The following AVEN variants were observed in gnomAD, a reference collection of about 807,000 sequenced individuals.
The protein encoded by AVEN is apoptosis and caspase activation inhibitor.
A neutral mutation model predicts 38.1 loss-of-function variants in AVEN; 41 were observed. The ratio of observed to expected loss-of-function variants is 1.08; its 90% CI spans 0.84 to 1.40. The LOEUF (loss-of-function observed/expected upper bound fraction) is 1.40. AVEN is among the 40% of genes most tolerant of loss of function. AVEN has a pLI of 0.00. For synonymous variants in AVEN, 206 were observed against 171.8 expected (o/e 1.20, Z -1.56); for missense variants, 605 against 438.8 (o/e 1.38, Z -3.38).
intron 2 of AVEN, among the ~76,000 whole-genome samples, chr15:33,930,641 G>C (rs1893806307): frequency 3.3e-5 from 5 of 152,122 alleles, no homozygotes. Flanking sequence ...ATGAAATTCA[G>C]AATGAAAAGT....
At chr15:34,052,451 C>T (rs1229659103) in intron 5 of AVEN, among the ~76,000 whole-genome samples, 1 of 152,188 alleles carries the variant, frequency 6.6e-6, no homozygotes, top group Non-Finnish European at 1.5e-5. Context: ...CAAGGGTACT[C>T]TGTCTTACCA....
At chr15:33,995,791 T>G (rs940105829) in intron 2 of AVEN, among the ~76,000 whole-genome samples, 1 of 152,206 alleles carries the variant, frequency 6.6e-6, no homozygotes, top group Non-Finnish European at 1.5e-5. Context: ...ATTTCTGCAT[T>G]TCCAACTGAG....
chr15:33,864,910 G>T, downstream of AVEN: 2 of 503,704 alleles, frequency 4.0e-6, no homozygotes, highest in Non-Finnish European at 3.5e-6. Context: ...TTGGGGCAGA[G>T]GGGGATTTTT....
chr15:33,853,169 G>A, the AVEN span: 5 of 1,155,816 alleles, frequency 4.3e-6, no homozygotes, highest in African/African-American at 7.8e-5. Flanking sequence ...ATACAAACAT[G>A]AGTAAATGTG....
At chr15:34,018,399 C>G (rs7162140) in intron 1 of AVEN, 2 of 152,024 alleles carry the variant, frequency 1.3e-5, no homozygotes, top group Admixed American at 6.6e-5. Flanking sequence ...TCAGATGTGT[C>G]GAGTTTCTTC....
At chr15:33,990,597 C>T (rs1160170081) in intron 2 of AVEN, 2 of 152,202 alleles carry the variant, frequency 1.3e-5, no homozygotes, top group Non-Finnish European at 2.9e-5. Context: ...TAAAAATAAA[C>T]AGTCCTTCAT....
chr15:33,919,696 T>C (rs1383937555), intron 2 of AVEN, among the ~76,000 whole-genome samples: 2 of 152,224 alleles, frequency 1.3e-5, no homozygotes, highest in Non-Finnish European at 2.9e-5. Flanking sequence ...AGGCATTTTC[T>C]GTAGGGGATG....
At chr15:33,989,142 A>C (rs1020557919) in intron 2 of AVEN, among the ~76,000 whole-genome samples, 1 of 141,850 alleles carries the variant, frequency 7.0e-6, no homozygotes, top group African/African-American at 2.5e-5. Flanking sequence ...AACAAATCCC[A>C]CACAAACACA....
At chr15:33,914,349 A>C (rs1893036837) in intron 2 of AVEN, among the ~76,000 whole-genome samples, 2 of 152,178 alleles carry the variant, frequency 1.3e-5, no homozygotes, top group Admixed American at 1.3e-4. Flanking sequence ...CAGATGCCAA[A>C]GAAGTAAGTC....
intron 2 of AVEN, among the ~76,000 whole-genome samples, chr15:33,900,800 C>CA (rs1892463982): frequency 8.1e-6 from 1 of 123,952 alleles, no homozygotes; most frequent in Non-Finnish European, 1.7e-5. Flanking sequence ...TCATAAATAG[C>CA]AATACCCAGA....
At chr15:33,865,663 A>G (rs1890263221), downstream of AVEN, 1 of 156,088 alleles carries the variant, frequency 6.4e-6, no homozygotes, top group East Asian at 2.1e-4. Context: ...TAATAACTGC[A>G]GTCTAATTTT....
Position 33,938,329 on chromosome 15 carries a change from C to T in AVEN, c.446-62334G>A, listed in dbSNP as rs540299681. 5.0e-3 allele frequency among the ~76,000 whole-genome samples: 756 copies of T among 152,094 alleles called. 5 individuals are homozygous for T. The highest frequency in any genetic ancestry group is 7.3e-3 in the Non-Finnish European group (497 of 67,996). ...AATTAGCCGGGCGTGGTGGTGGGCACCTGTAGTACCAGCTACTAGGGAGGC... is the reference window on the plus strand; with the variant it reads ...AATTAGCCGGGCGTGGTGGTGGGCATCTGTAGTACCAGCTACTAGGGAGGC... On this transcript the variant is annotated intron_variant, in intron 2 of 5. Coordinates refer to ENST00000306730, the MANE Select transcript of AVEN (RefSeq NM_020371.3).
chr15:33,962,396 G>T (rs181680956), intron 2 of AVEN, among the ~76,000 whole-genome samples: 1 of 152,110 alleles, frequency 6.6e-6, no homozygotes, highest in African/African-American at 2.4e-5. Context: ...TGCATCTCCA[G>T]CCACAGTTAC....
intron 2 of AVEN, among the ~76,000 whole-genome samples, chr15:33,881,509 A>G (rs1891484693): frequency 6.6e-6 from 1 of 152,222 alleles, no homozygotes; most frequent in Non-Finnish European, 1.5e-5. Context: ...CTTCCTGGCT[A>G]ATTTTAAGTA....
downstream of AVEN, chr15:33,864,004 AC>A (rs1889492189): frequency 1.6e-6 from 1 of 611,944 alleles, no homozygotes. Context: ...CTTATGCCAC[AC>A]TTCCCTGATC....
At chr15:33,930,572 C>A (rs375137375) in intron 2 of AVEN, among the ~76,000 whole-genome samples, 2 of 152,094 alleles carry the variant, frequency 1.3e-5, no homozygotes, top group African/African-American at 4.8e-5. Flanking sequence ...TACTTTCTTA[C>A]GAAATCTAAA....
chr15:33,882,561 TA>T (rs35267268), intron 2 of AVEN, among the ~76,000 whole-genome samples: 4,760 of 149,174 alleles, frequency 0.032, 132 homozygotes, highest in African/African-American at 0.062. Context: ...GCAAAAATGT[TA>T]AAAAAAAAAA....
At chr15:33,991,433 G>A (rs915302874) in intron 2 of AVEN, 1 of 151,836 alleles carries the variant, frequency 6.6e-6, no homozygotes, top group African/African-American at 2.4e-5. Flanking sequence ...ATTATGCATG[G>A]CATACCTGTA....
intron 2 of AVEN, among the ~76,000 whole-genome samples, chr15:34,002,003 G>A (rs1338733811): frequency 2.0e-5 from 3 of 152,068 alleles, no homozygotes; most frequent in Non-Finnish European, 4.4e-5. Context: ...ATTTAGCGAC[G>A]TAATTGCAGA....
Sources: allele counts gnomAD v4.1 joint callset (sites outside exome capture counted in the v4.1 genomes callset), GRCh38; gene constraint gnomAD v4.1.1; transcripts MANE v1.5; gene names NCBI Gene and HGNC (gene_info 2026-07-23, HGNC 2026-07-21).